CACNA2D3: variants seen among roughly 807,000 people sequenced by gnomAD.
CACNA2D3 encodes the protein calcium voltage-gated channel auxiliary subunit alpha2delta 3, also known as voltage-dependent calcium channel subunit alpha-2/delta-3.
Under a neutral mutation model 160.6 loss-of-function variants are expected in CACNA2D3, and 60 were observed. That is an observed-to-expected ratio of 0.37 (90% confidence interval 0.30 to 0.46). The LOEUF is 0.46. Ranked by LOEUF, CACNA2D3 falls within the 20% of genes least tolerant of loss-of-function variation. The pLI, the probability that CACNA2D3 is intolerant of heterozygous loss-of-function variation, is 1.00. For synonymous variants in CACNA2D3, 558 were observed against 492.9 expected, an observed-to-expected ratio of 1.13 and a Z score of -1.75; for missense variants, 1,205 against 1,365.0, an observed-to-expected ratio of 0.88 and a Z score of 1.85.
At chr3:54,737,813 C>T (rs1701563737) in intron 11 of CACNA2D3, among the ~76,000 whole-genome samples, 1 of 152,142 alleles carries the variant, frequency 6.6e-6, no homozygotes, top group Admixed American at 6.5e-5. Context: ...TGTAGGTGTG[C>T]TTCATCACAC....
chr3:55,030,318 A>G (rs1488292364), intron 35 of CACNA2D3, among the ~76,000 whole-genome samples: 1 of 152,226 alleles, frequency 6.6e-6, no homozygotes, highest in Non-Finnish European at 1.5e-5. Context: ...GGTTTAAAAC[A>G]TGACTATCAC....
intron 35 of CACNA2D3, among the ~76,000 whole-genome samples, chr3:55,033,749 T>TAA (rs1703737040): frequency 2.0e-5 from 1 of 49,598 alleles, no homozygotes; most frequent in Non-Finnish European, 5.2e-5. Flanking sequence ...TAATATATAT[T>TAA]ATATTAAATA....
chr3:54,257,551 T>C (rs963417015), intron 2 of CACNA2D3, among the ~76,000 whole-genome samples: 2 of 152,222 alleles, frequency 1.3e-5, no homozygotes, highest in Non-Finnish European at 2.9e-5. Flanking sequence ...CTGCCGTTGT[T>C]GTTTTTTTGT....
At chr3:55,054,496 G>T (rs937649485) in intron 35 of CACNA2D3, among the ~76,000 whole-genome samples, 1 of 151,078 alleles carries the variant, frequency 6.6e-6, no homozygotes, top group Non-Finnish European at 1.5e-5. Flanking sequence ...TTTGCATTTG[G>T]TTCATTTATA....
intron 5 of CACNA2D3, among the ~76,000 whole-genome samples, chr3:54,530,438 A>G (rs542899673): frequency 6.6e-6 from 1 of 152,350 alleles, no homozygotes; most frequent in Non-Finnish European, 1.5e-5. Context: ...TCCCACTCCG[A>G]AGGGCAGTGA....
intron 33 of CACNA2D3, among the ~76,000 whole-genome samples, chr3:55,008,645 T>C (rs1703146708): frequency 1.3e-5 from 2 of 152,146 alleles, no homozygotes; most frequent in African/African-American, 4.8e-5. Flanking sequence ...AAATTCTCCA[T>C]ATACACATGA....
chr3:54,328,421 A>G (rs955527429), intron 3 of CACNA2D3, among the ~76,000 whole-genome samples: 4 of 152,118 alleles, frequency 2.6e-5, no homozygotes, highest in Non-Finnish European at 4.4e-5. Flanking sequence ...AGCTGGGATT[A>G]CAGGTGTCCG....
chr3:54,648,079 C>T (rs1437417211), intron 11 of CACNA2D3, among the ~76,000 whole-genome samples: 11 of 152,146 alleles, frequency 7.2e-5, no homozygotes, highest in Non-Finnish European at 1.0e-4. Flanking sequence ...ATCATTACCT[C>T]CCCCTTGTTG....
At chr3:54,196,884 G>A (rs1265106968) in intron 2 of CACNA2D3, among the ~76,000 whole-genome samples, 5 of 152,180 alleles carry the variant, frequency 3.3e-5, no homozygotes, top group South Asian at 2.1e-4. Context: ...CATTATCGAC[G>A]GAAGATAAAT....
chr3:54,633,731 C>T (rs889348876), intron 10 of CACNA2D3: 1 of 152,206 alleles, frequency 6.6e-6, no homozygotes, highest in Non-Finnish European at 1.5e-5. Flanking sequence ...GTAGTACCTA[C>T]CTCAGAGGCC....
intron 4 of CACNA2D3, among the ~76,000 whole-genome samples, chr3:54,394,566 G>A (rs1348135141): frequency 5.7e-5 from 7 of 122,440 alleles, no homozygotes; most frequent in South Asian, 2.7e-4. Context: ...GAGAATATGC[G>A]GTGTTTGGTT....
intron 32 of CACNA2D3, 99 bp from the exon 33 acceptor site, chr3:55,007,691 C>A: frequency 1.3e-6 from 1 of 753,010 alleles, no homozygotes; most frequent in Non-Finnish European, 2.2e-6. Flanking sequence ...ATATCAATCT[C>A]TCTAGAAGAA....
At chr3:54,453,827 T>G (rs1700351330) in intron 4 of CACNA2D3, among the ~76,000 whole-genome samples, 1 of 152,224 alleles carries the variant, frequency 6.6e-6, no homozygotes, top group Non-Finnish European at 1.5e-5. Flanking sequence ...CCTCCCATTA[T>G]TAGTTCGAGC....
At chr3:54,984,237 A>G (rs1382541298) in intron 29 of CACNA2D3, among the ~76,000 whole-genome samples, 1 of 152,062 alleles carries the variant, frequency 6.6e-6, no homozygotes, top group South Asian at 2.1e-4. Context: ...CTGCACTTCA[A>G]CCGCCAATAC....
rs142201254 is a variant in CACNA2D3, at chr3:54,446,557, T to G, written c.382-56935T>G. The stretch of plus-strand genomic sequence containing the variant: ...CATCAAGATTACCACCCAGAATTGA[T>G]GGGTATTCACCTTTTATCATTTTTG... On this transcript the variant is annotated intron_variant, in intron 4 of 37. Transcript: ENST00000474759. 5.1e-3 allele frequency among the ~76,000 whole-genome samples: 784 copies of G among 152,334 alleles called. 6 individuals carry two copies. Among genetic ancestry groups the G allele is most frequent in the South Asian group, 0.016 (79 of 4,832 alleles).
At chr3:54,453,336 A>G (rs1372752933) in intron 4 of CACNA2D3, among the ~76,000 whole-genome samples, 2 of 152,144 alleles carry the variant, frequency 1.3e-5, no homozygotes, top group Non-Finnish European at 2.9e-5. Context: ...TTTAGGGCTC[A>G]CCATAATCTA....
Position 54,838,654 on chromosome 3 carries a change from G to A in CACNA2D3, c.1551+6G>A, listed in dbSNP as rs767233883. 1 of 1,597,642 alleles carries A rather than the reference G, an allele frequency of 6.3e-7. No homozygotes were observed. The highest frequency in any genetic ancestry group is 8.6e-7 in the Non-Finnish European group (1 of 1,165,010). ...AGACCATCCCCAAATACAAGGTAATGAATGACCTAATCCCTGAAATCAAAG... is the reference window on the plus strand; with the variant it reads ...AGACCATCCCCAAATACAAGGTAATAAATGACCTAATCCCTGAAATCAAAG... On this transcript the variant is annotated splice_donor_region_variant and intron_variant, in intron 16 of 37. Coordinates refer to ENST00000474759, the MANE Select transcript of CACNA2D3 (RefSeq NM_018398.3).
intron 9 of CACNA2D3, among the ~76,000 whole-genome samples, chr3:54,606,595 C>T (rs1698631393): frequency 6.6e-6 from 1 of 151,996 alleles, no homozygotes; most frequent in Non-Finnish European, 1.5e-5. Context: ...TTGCCATTTG[C>T]CGAGATGAGG....
Position 54,217,181 on chromosome 3 carries a change from C to T in CACNA2D3, c.204+93587C>T, listed in dbSNP as rs569051562. The stretch of plus-strand genomic sequence containing the variant: ...GGGAGGAAGGAGTGTGTTTCTGGTG[C>T]GATGGTGAAGCAGCCAGAGGCGTGT... On this transcript the variant is annotated intron_variant, in intron 2 of 37. Transcript: ENST00000474759. Among the ~76,000 whole-genome samples, 12 of 152,166 alleles carry T rather than the reference C, an allele frequency of 7.9e-5. No individual in the cohort carries two copies. In the South Asian group the frequency reaches 2.3e-3, roughly 29 times the overall value.
Sources: allele counts gnomAD v4.1 joint callset (sites outside exome capture counted in the v4.1 genomes callset), GRCh38; gene constraint gnomAD v4.1.1; transcripts MANE v1.5; gene names NCBI Gene and HGNC (gene_info 2026-07-23, HGNC 2026-07-21).